MASP2: variants seen among roughly 807,000 people sequenced by gnomAD.
MASP2 encodes MBL associated serine protease 2, also known as mannan-binding lectin serine protease 2.
In MASP2, 49 loss-of-function variants were observed where a neutral mutation model predicts 57.1. The observed-to-expected ratio is 0.86, with a 90% CI of 0.68 to 1.09. The LOEUF (loss-of-function observed/expected upper bound fraction) is 1.09, where lower values mean the gene tolerates loss of function less well. MASP2 is among the 50% of genes least tolerant of loss of function. MASP2 has a pLI of 0.00. For synonymous variants in MASP2, 379 were observed against 340.8 expected, an observed-to-expected ratio of 1.11 and a Z score of -1.24; for missense variants, 900 against 874.8, an observed-to-expected ratio of 1.03 and a Z score of -0.36.
Position 11,043,399 on chromosome 1 carries a change from A to G in MASP2, c.681T>C (p.Phe227=). 1 of 1,610,670 alleles carries G rather than the reference A, an allele frequency of 6.2e-7. No homozygotes were observed. Among genetic ancestry groups the G allele is most frequent in the Middle Eastern group, 1.7e-4 (1 of 6,054 alleles). ...GTGTCTCCACATCGAAGGACTCCACAAAGTCCAGAATGACACTGAACCCCT... is the reference window on the plus strand; with the variant it reads ...GTGTCTCCACATCGAAGGACTCCACGAAGTCCAGAATGACACTGAACCCCT... ...LEEGFSVILD[F]VESFDVETHP... The change falls in exon 5 of 11, where the codon TTT becomes TTC. Residue 227 remains phenylalanine, a synonymous_variant. Transcript: ENST00000400897.
intron 5 of MASP2, 115 bp downstream of exon 5, chr1:11,043,224 G>T (rs1638514448): frequency 9.4e-7 from 1 of 1,063,890 alleles, no homozygotes; most frequent in Non-Finnish European, 1.4e-6. Flanking sequence ...ACCTGAAGAG[G>T]TGGGGGTCAC....
At chr1:11,044,761 T>TGCCCA in intron 4 of MASP2, 4 of 1,313,606 alleles carry the variant, frequency 3.0e-6, no homozygotes, top group Non-Finnish European at 4.1e-6. Context: ...CCCCGCCGCC[T>TGCCCA]CCCGACCCTC....
In MASP2 at chr1:11,045,464, A is replaced by T; in HGVS notation, c.488T>A (p.Phe163Tyr). The T allele has an allele frequency of 6.2e-7, 1 of 1,613,188 alleles. No individual in the cohort carries two copies. The highest frequency in any genetic ancestry group is 8.5e-7 in the Non-Finnish European group (1 of 1,179,960). Residue 163 changes from phenylalanine to tyrosine, a missense_variant, in exon 4 of 11, where the codon TTC (phenylalanine) becomes TAC (tyrosine). Phe to Tyr is a conservative substitution (Grantham distance 22). Coordinates refer to ENST00000400897, the MANE Select transcript of MASP2 (RefSeq NM_006610.4). ...DHHCHNHLGG[F>Y]YCSCRAGYVL... is the part of the protein sequence containing the mutation. ...GTAGCCTGCGCGGCAGGAGCAGTAG[A>T]AACCGCCCAGGTGGTTGTGGCAGTG...
intron 3 of MASP2, 118 bp from the exon 4 acceptor site, chr1:11,045,657 C>T (rs1638616194): frequency 3.3e-6 from 4 of 1,213,042 alleles, no homozygotes; most frequent in Non-Finnish European, 4.5e-6. Flanking sequence ...CTCGTCCTGT[C>T]TAGGGTGCGG....
chr1:11,037,037 G>A (rs1012235512), intron 7 of MASP2, among the ~76,000 whole-genome samples: 1 of 151,968 alleles, frequency 6.6e-6, no homozygotes, highest in African/African-American at 2.4e-5. Context: ...CAACAGAAAA[G>A]TTGCCCGTTT....
At chr1:11,043,840 G>T (rs1304054183) in intron 4 of MASP2, among the ~76,000 whole-genome samples, 1 of 151,960 alleles carries the variant, frequency 6.6e-6, no homozygotes, top group African/African-American at 2.4e-5. Flanking sequence ...CAGGGAGCGT[G>T]GTGGTGTCCT....
At chr1:11,033,502 A>G (rs1034768153) in intron 8 of MASP2, among the ~76,000 whole-genome samples, 1 of 150,682 alleles carries the variant, frequency 6.6e-6, no homozygotes, top group Non-Finnish European at 1.5e-5. Context: ...AAACTTAGCC[A>G]GGTGTGGCGG....
At chr1:11,041,791 T>TA (rs1364993459) in intron 6 of MASP2, among the ~76,000 whole-genome samples, 30 of 148,488 alleles carry the variant, frequency 2.0e-4, no homozygotes, top group East Asian at 4.1e-4. Flanking sequence ...GATGGATGGA[T>TA]GGATAGAAGT....
intron 7 of MASP2, 90 bp from the exon 8 acceptor site, chr1:11,034,996 G>A: frequency 1.2e-6 from 1 of 862,980 alleles, no homozygotes; most frequent in Non-Finnish European, 1.8e-6. Context: ...TCCTATTCTA[G>A]TGTTTTACGA....
intron 6 of MASP2, among the ~76,000 whole-genome samples, chr1:11,040,758 G>A (rs974465958): frequency 8.0e-5 from 12 of 150,368 alleles, no homozygotes; most frequent in Admixed American, 4.6e-4. Flanking sequence ...TAGATTAATA[G>A]AAGAATGGGT....
intron 6 of MASP2, among the ~76,000 whole-genome samples, chr1:11,038,465 C>T (rs1444068831): frequency 1.3e-5 from 2 of 152,176 alleles, no homozygotes; most frequent in Middle Eastern, 3.2e-3. Context: ...TCAGGCTTCC[C>T]CTCATGAGCT....
At chr1:11,034,436 GC>G (rs1643873895) in intron 8 of MASP2, among the ~76,000 whole-genome samples, 1 of 149,560 alleles carries the variant, frequency 6.7e-6, no homozygotes, top group African/African-American at 2.5e-5. Flanking sequence ...AGTGGCTCAC[GC>G]CTGTAATCTT....
chr1:11,031,498 C>G (rs1643844843), intron 8 of MASP2, among the ~76,000 whole-genome samples: 1 of 115,342 alleles, frequency 8.7e-6, no homozygotes, highest in South Asian at 3.0e-4. Flanking sequence ...CACTTCACTC[C>G]AGCCTGGGTG....
At position 11,045,424 on chromosome 1, in the gene MASP2, G is replaced by A. The variant is rs1370634006; in HGVS notation, c.528C>T (p.Asn176=). ...CTCCCTCACCTGAGCAGGTGCGCTT[G>A]TTACGGTGCAGGACGTAGCCTGCGC... ...SCRAGYVLHR[N]KRTCSALCSG... Residue 176 remains asparagine, a synonymous_variant, in exon 4 of 11, where the codon AAC becomes AAT. Transcript: ENST00000400897. 3.1e-6 allele frequency: 5 copies of A among 1,613,158 alleles called. No homozygotes were observed. In the African/African-American group the frequency reaches 6.7e-5, roughly 22 times the overall value.
intron 3 of MASP2, chr1:11,045,843 T>C: frequency 6.8e-6 from 3 of 440,530 alleles, no homozygotes; most frequent in Middle Eastern, 6.1e-4. Context: ...GCTACAGCGC[T>C]GAACCCTTGC....
At chr1:11,047,179 G>A (rs1360760250) in intron 1 of MASP2, 24 bp downstream of exon 1, 6 of 1,559,450 alleles carry the variant, frequency 3.8e-6, no homozygotes, top group Non-Finnish European at 4.3e-6. Context: ...ACACCCTGCA[G>A]GGAGGCTGTG....
In MASP2 at chr1:11,037,709, CCA is replaced by C; in HGVS notation, c.990_991del (p.Gly331LeufsTer2). 2 of 1,610,260 alleles carry C rather than the reference CCA, an allele frequency of 1.2e-6. No homozygotes were observed. Among genetic ancestry groups the C allele is most frequent in the Non-Finnish European group, 1.7e-6 (2 of 1,178,402 alleles). On this transcript the variant is annotated frameshift_variant, in exon 7 of 11. Coordinates refer to ENST00000400897, the MANE Select transcript of MASP2 (RefSeq NM_006610.4). LOFTEE classifies it high-confidence loss of function. Reference sequence around the variant, plus strand: ...TTAACTCACTTGCAGAAGCTCATAGCCAGTCTCGCAAAAGATGGAGAAGCTGT... The same window carrying C: ...TTAACTCACTTGCAGAAGCTCATAGCGTCTCGCAAAAGATGGAGAAGCTGT...
chr1:11,039,573 T>C (rs1360269515), intron 6 of MASP2, among the ~76,000 whole-genome samples: 1 of 150,240 alleles, frequency 6.7e-6, no homozygotes, highest in African/African-American at 2.5e-5. Context: ...GATGGATAGA[T>C]GGATGGCTGG....
chr1:11,028,401 A>G (rs1643776067), intron 10 of MASP2, among the ~76,000 whole-genome samples: 1 of 152,204 alleles, frequency 6.6e-6, no homozygotes, highest in Non-Finnish European at 1.5e-5. Context: ...CAGGATTTGC[A>G]AAATTACTTT....
Sources: allele counts gnomAD v4.1 joint callset (sites outside exome capture counted in the v4.1 genomes callset), GRCh38; gene constraint gnomAD v4.1.1; transcripts MANE v1.5; gene names NCBI Gene and HGNC (gene_info 2026-07-23, HGNC 2026-07-21).